Variants in SNX29 observed in about 807,000 individuals in gnomAD.
SNX29 encodes the protein sorting nexin 29.
A neutral mutation model predicts 102.1 loss-of-function variants in SNX29; 78 were observed. The ratio of observed to expected loss-of-function variants is 0.76; its 90% CI spans 0.64 to 0.92. The LOEUF is 0.92. Ranked by LOEUF, SNX29 falls within the 40% of genes least tolerant of loss-of-function variation. SNX29 has a pLI of 0.00. For synonymous variants in SNX29, 580 were observed against 414.5 expected (o/e 1.40, Z -4.85); for missense variants, 1,280 against 1,061.7 (o/e 1.21, Z -2.86).
chr16:12,492,082 C>A (rs564559068), intron 19 of SNX29, among the ~76,000 whole-genome samples: 11 of 152,308 alleles, frequency 7.2e-5, no homozygotes, highest in African/African-American at 2.2e-4. Context: ...ATTTCCAGTT[C>A]TAGATCCCTG....
chr16:12,143,659 C>T lies in SNX29; in HGVS notation c.1595+13901C>T, dbSNP rs147154249. Reference sequence around the variant, plus strand: ...AATACCCTGCGTAAGTACTGAGTAACAGACAGCCATGGTGATTACTGTTGG... The same window carrying T: ...AATACCCTGCGTAAGTACTGAGTAATAGACAGCCATGGTGATTACTGTTGG... On this transcript the variant is annotated intron_variant, in intron 13 of 20. Coordinates refer to ENST00000566228, the MANE Select transcript of SNX29 (RefSeq NM_032167.5). 5.5e-3 allele frequency among the ~76,000 whole-genome samples: 837 copies of T among 152,288 alleles called. 10 individuals are homozygous for T. The highest frequency in any genetic ancestry group is 0.019 in the African/African-American group (792 of 41,552).
chr16:12,537,397 A>C (rs1472882712), intron 20 of SNX29, among the ~76,000 whole-genome samples: 1 of 152,224 alleles, frequency 6.6e-6, no homozygotes, highest in African/African-American at 2.4e-5. Flanking sequence ...CTTTGAGCCA[A>C]ACAGACCTGG....
At chr16:12,557,530 T>G (rs1040682428) in intron 20 of SNX29, 2 of 152,008 alleles carry the variant, frequency 1.3e-5, no homozygotes, top group Non-Finnish European at 2.9e-5. Context: ...CCCAACTAAT[T>G]TTTGCATTTT....
intron 16 of SNX29, among the ~76,000 whole-genome samples, chr16:12,383,406 T>C (rs986574662): frequency 1.3e-5 from 2 of 152,238 alleles, no homozygotes; most frequent in Non-Finnish European, 2.9e-5. Context: ...ATTAACACTG[T>C]TAATAGTGTA....
rs556514208 is a variant in SNX29 at position 12,436,053 on chromosome 16, G to T, written c.2037+32524G>T. ...CTAGGATCAAATGTTGTGGGGGCGG[G>T]TGTCAATGGCACTCAATTGGGGCGC... is the stretch of plus-strand genomic sequence containing the variant. On this transcript the variant is annotated intron_variant, in intron 18 of 20. Transcript: ENST00000566228. 1.4e-4 allele frequency among the ~76,000 whole-genome samples: 22 copies of T among 152,324 alleles called. No individual in the cohort carries two copies. In the South Asian group the frequency reaches 4.1e-3, roughly 29 times the overall value.
chr16:12,353,226 G>A (rs1314253035), intron 15 of SNX29, among the ~76,000 whole-genome samples: 1 of 152,094 alleles, frequency 6.6e-6, no homozygotes, highest in Non-Finnish European at 1.5e-5. Context: ...CTTGCTTCGG[G>A]GCACACTGAG....
At chr16:12,285,802 A>G (rs980173075) in intron 15 of SNX29, among the ~76,000 whole-genome samples, 1 of 152,188 alleles carries the variant, frequency 6.6e-6, no homozygotes, top group Admixed American at 6.5e-5. Flanking sequence ...CTGAGCTGAG[A>G]TCTACATTAA....
intron 19 of SNX29, among the ~76,000 whole-genome samples, chr16:12,480,351 T>G (rs2087850593): frequency 6.6e-6 from 1 of 152,182 alleles, no homozygotes; most frequent in Non-Finnish European, 1.5e-5. Flanking sequence ...CCTTATGGCC[T>G]TCTGTCTTCA....
intron 15 of SNX29, among the ~76,000 whole-genome samples, chr16:12,299,156 T>G (rs901422944): frequency 2.0e-5 from 3 of 151,944 alleles, no homozygotes; most frequent in African/African-American, 4.8e-5. Context: ...AAAAATTAGT[T>G]GGGTATGGTG....
chr16:12,073,636 T>C (rs1312128352), intron 10 of SNX29, among the ~76,000 whole-genome samples: 2 of 152,224 alleles, frequency 1.3e-5, no homozygotes, highest in Admixed American at 6.5e-5. Context: ...GAAAAAAATA[T>C]ATATTCTGTT....
intron 18 of SNX29, among the ~76,000 whole-genome samples, chr16:12,414,538 T>C (rs538396602): frequency 1.3e-5 from 2 of 152,314 alleles, no homozygotes; most frequent in South Asian, 4.1e-4. Context: ...CTTGCTAAGC[T>C]ACTGATCTGT....
At chr16:12,287,106 C>T (rs16959126) in intron 15 of SNX29, among the ~76,000 whole-genome samples, 6,630 of 152,264 alleles carry the variant, frequency 0.044, 260 homozygotes, top group African/African-American at 0.1. Flanking sequence ...TGGCTAAGCT[C>T]GGAGCTTTTC....
chr16:12,424,009 G>A (rs939125365), intron 18 of SNX29, among the ~76,000 whole-genome samples: 2 of 152,256 alleles, frequency 1.3e-5, no homozygotes, highest in Non-Finnish European at 2.9e-5. Context: ...GAAGTTCTAA[G>A]CATATTCTGA....
At chr16:12,143,496 C>T (rs2054939415) in intron 13 of SNX29, among the ~76,000 whole-genome samples, 1 of 152,170 alleles carries the variant, frequency 6.6e-6, no homozygotes, top group South Asian at 2.1e-4. Flanking sequence ...CATGCAAGGG[C>T]TTCCACCGCT....
At chr16:12,067,158 C>G (rs1414361805) in intron 9 of SNX29, among the ~76,000 whole-genome samples, 1 of 151,990 alleles carries the variant, frequency 6.6e-6, no homozygotes, top group South Asian at 2.1e-4. Flanking sequence ...GCTCTCCAGC[C>G]TGGGTGACAG....
intron 20 of SNX29, among the ~76,000 whole-genome samples, chr16:12,548,365 A>G (rs182376586): frequency 6.6e-6 from 1 of 152,310 alleles, no homozygotes; most frequent in Non-Finnish European, 1.5e-5. Context: ...CTGCACCCAC[A>G]TGGAAGGGAG....
At chr16:12,456,879 T>A (rs890286119) in intron 18 of SNX29, among the ~76,000 whole-genome samples, 1 of 152,152 alleles carries the variant, frequency 6.6e-6, no homozygotes, top group Admixed American at 6.5e-5. Context: ...GAGCACCCTC[T>A]GAACTCCCAG....
chr16:12,358,913 A>C (rs1168378227), intron 16 of SNX29, among the ~76,000 whole-genome samples: 4 of 152,200 alleles, frequency 2.6e-5, no homozygotes, highest in African/African-American at 9.7e-5. Flanking sequence ...CGCTTCCCAT[A>C]CCTTGGCCTG....
chr16:12,521,266 G>C (rs945717330), intron 19 of SNX29, among the ~76,000 whole-genome samples: 2 of 152,018 alleles, frequency 1.3e-5, no homozygotes, highest in African/African-American at 4.8e-5. Context: ...AAAGAAATCA[G>C]ATTTTTTTTT....
Sources: allele counts gnomAD v4.1 joint callset (sites outside exome capture counted in the v4.1 genomes callset), GRCh38; gene constraint gnomAD v4.1.1; transcripts MANE v1.5; gene names NCBI Gene and HGNC (gene_info 2026-07-23, HGNC 2026-07-21).